Variants in SIL1 observed in about 807,000 individuals in gnomAD.
SIL1 encodes nucleotide exchange factor SIL1.
In SIL1, 40 loss-of-function variants were observed where a neutral mutation model predicts 49.1. The ratio of observed to expected loss-of-function variants is 0.81; its 90% CI spans 0.63 to 1.06. The LOEUF is 1.06. Ranked by LOEUF, SIL1 falls within the 50% of genes least tolerant of loss-of-function variation. The pLI is 0.00. For missense variants in SIL1, 500 were observed against 572.6 expected, an observed-to-expected ratio of 0.87 and a Z score of 1.29; for synonymous variants, 253 against 250.8, an observed-to-expected ratio of 1.01 and a Z score of -0.08.
chr5:139,069,867 T>C (rs138569822), intron 3 of SIL1, among the ~76,000 whole-genome samples: 2 of 152,202 alleles, frequency 1.3e-5, no homozygotes, highest in African/African-American at 4.8e-5. Context: ...AGAAAGAAAA[T>C]GTGAGCCAAG....
intron 7 of SIL1, among the ~76,000 whole-genome samples, chr5:138,967,526 T>C (rs901242698): frequency 6.6e-6 from 1 of 152,142 alleles, no homozygotes; most frequent in Non-Finnish European, 1.5e-5. Context: ...AACCCAGACC[T>C]ACATGGCTGC....
intron 7 of SIL1, among the ~76,000 whole-genome samples, chr5:138,981,840 T>C (rs373413725): frequency 6.6e-6 from 1 of 152,040 alleles, no homozygotes. Context: ...TCTTTTTTTT[T>C]TCTCTCTCTC....
intron 7 of SIL1, among the ~76,000 whole-genome samples, chr5:138,959,704 C>G: frequency 6.6e-6 from 1 of 152,238 alleles, no homozygotes; most frequent in Non-Finnish European, 1.5e-5. Flanking sequence ...GGACCCTGTT[C>G]CACTTACTGA....
At chr5:139,142,894 G>A (rs924474322) in intron 1 of SIL1, among the ~76,000 whole-genome samples, 1 of 151,866 alleles carries the variant, frequency 6.6e-6, no homozygotes, top group Non-Finnish European at 1.5e-5. Flanking sequence ...TCAGCCTCCT[G>A]AGTAGCTGGG....
At chr5:138,965,018 GA>G (rs1195679957) in intron 7 of SIL1, among the ~76,000 whole-genome samples, 1 of 152,246 alleles carries the variant, frequency 6.6e-6, no homozygotes, top group East Asian at 1.9e-4. Context: ...GTGACGCTGG[GA>G]AGAGGGCCAA....
chr5:139,158,531 G>A (rs1751446720), intron 1 of SIL1, among the ~76,000 whole-genome samples: 1 of 152,158 alleles, frequency 6.6e-6, no homozygotes, highest in African/African-American at 2.4e-5. Flanking sequence ...AGCAGTACCT[G>A]AAGGGAGCCC....
intron 1 of SIL1, among the ~76,000 whole-genome samples, chr5:139,171,139 C>G (rs979628990): frequency 8.3e-5 from 12 of 144,468 alleles, no homozygotes; most frequent in Non-Finnish European, 1.4e-4. Flanking sequence ...GCCTCTGCCC[C>G]GCCGCCCCTA....
intron 7 of SIL1, among the ~76,000 whole-genome samples, chr5:138,981,743 G>A (rs1194914002): frequency 1.3e-5 from 2 of 152,230 alleles, no homozygotes. Context: ...TGTCCCAGAT[G>A]CGCAAATCTC....
At position 139,083,908 on chromosome 5, in the gene SIL1, G is replaced by A. The variant is rs1443198480; in HGVS notation, c.245-32862C>T. ...TCAGCTTTCTACATATGGCTAGCCA[G>A]TTTTCCCAGCACCATTTATTAAATA... On this transcript the variant is annotated intron_variant, in intron 3 of 9. Transcript: ENST00000394817. Among the ~76,000 whole-genome samples, 365 of 74,658 alleles carry A rather than the reference G, an allele frequency of 4.9e-3. 8 individuals are homozygous for A. Among genetic ancestry groups the A allele is most frequent in the African/African-American group, 0.019 (343 of 18,196 alleles). 49.0% of individuals were successfully genotyped at this position (74,658 alleles called of 152,430 possible).
chr5:139,134,766 C>A (rs563584908), intron 1 of SIL1, among the ~76,000 whole-genome samples: 1 of 152,296 alleles, frequency 6.6e-6, no homozygotes, highest in East Asian at 1.9e-4. Flanking sequence ...GCAGAACTGC[C>A]AGCTGCAGGA....
intron 3 of SIL1, among the ~76,000 whole-genome samples, chr5:139,107,447 CCTG>C (rs1265182490): frequency 1.3e-5 from 2 of 152,122 alleles, no homozygotes; most frequent in East Asian, 1.9e-4. Context: ...TCCAGATTTT[CCTG>C]CTATTAACGT....
At chr5:139,074,794 A>G (rs935193005) in intron 3 of SIL1, among the ~76,000 whole-genome samples, 1 of 151,300 alleles carries the variant, frequency 6.6e-6, no homozygotes, top group Admixed American at 6.6e-5. Context: ...TCTTGCCTTC[A>G]GAACTAAGCA....
Position 138,951,188 on chromosome 5 carries a change from C to T in SIL1, c.1012G>A (p.Asp338Asn), listed in dbSNP as rs111292964. Residue 338 changes from aspartate (D) to asparagine (N), a missense_variant, in exon 9 of 10, where the codon GAC becomes AAC. Transcript: ENST00000394817. ...LAVRVVTLLYDLVTEKMFAEE... is the reference protein window; with the variant it reads ...LAVRVVTLLYNLVTEKMFAEE... ...GCACTCACCTTCTCCGTGACCAGGT[C>T]GTAGAGCAGTGTGACCACGCGCACG... is the stretch of plus-strand genomic sequence containing the variant. 5.6e-6 allele frequency: 9 copies of T among 1,611,530 alleles called. No individual in the cohort carries two copies. The highest frequency in any genetic ancestry group is 1.7e-5 in the Admixed American group (1 of 59,802).
At chr5:139,107,033 C>G (rs1194058924) in intron 3 of SIL1, among the ~76,000 whole-genome samples, 2 of 152,246 alleles carry the variant, frequency 1.3e-5, no homozygotes, top group Non-Finnish European at 2.9e-5. Context: ...GCCCTGATCA[C>G]TCAGCCCTGC....
Position 138,959,209 on chromosome 5 carries a change from T to G in SIL1, c.768-7325A>C, listed in dbSNP as rs184777422. Reference sequence around the variant, plus strand: ...AAAATACAGACTCCAAGCCCTACCCTGCATATACTAAATCATAATCTCAGA... The same window carrying G: ...AAAATACAGACTCCAAGCCCTACCCGGCATATACTAAATCATAATCTCAGA... On this transcript the variant is annotated intron_variant, in intron 7 of 9. Transcript: ENST00000394817. Among the ~76,000 whole-genome samples, 3 of 152,354 alleles carry G rather than the reference T, an allele frequency of 2.0e-5. No homozygotes were observed. In the East Asian group the frequency reaches 5.8e-4, roughly 29 times the overall value.
intron 3 of SIL1, among the ~76,000 whole-genome samples, chr5:139,053,914 G>A (rs1478184774): frequency 1.3e-5 from 2 of 152,178 alleles, no homozygotes; most frequent in Non-Finnish European, 2.9e-5. Flanking sequence ...TATTTATGTA[G>A]TGAATATAAA....
intron 3 of SIL1, among the ~76,000 whole-genome samples, chr5:139,074,079 C>G (rs1318414185): frequency 2.0e-5 from 3 of 152,156 alleles, no homozygotes; most frequent in Admixed American, 1.3e-4. Flanking sequence ...TTGTTTGAGA[C>G]AAGGACTCAC....
intron 1 of SIL1, among the ~76,000 whole-genome samples, chr5:139,142,203 G>T (rs1393009617): frequency 6.6e-6 from 1 of 152,166 alleles, no homozygotes; most frequent in South Asian, 2.1e-4. Context: ...GGCCAGCAAG[G>T]TGCCTGTTAA....
intron 7 of SIL1, among the ~76,000 whole-genome samples, chr5:138,953,799 G>A (rs1766839969): frequency 2.0e-5 from 3 of 152,342 alleles, no homozygotes; most frequent in African/African-American, 7.2e-5. Flanking sequence ...GGTCCAGGAA[G>A]AGAAGACGAC....
Sources: allele counts gnomAD v4.1 joint callset (sites outside exome capture counted in the v4.1 genomes callset), GRCh38; gene constraint gnomAD v4.1.1; transcripts MANE v1.5; gene names NCBI Gene and HGNC (gene_info 2026-07-23, HGNC 2026-07-21).